The following SLC26A8 variants were observed in gnomAD, a reference collection of about 807,000 sequenced individuals.
SLC26A8 encodes the protein testis anion transporter 1.
SLC26A8 carries 70 observed loss-of-function variants against 105.0 expected under a neutral mutation model. The observed-to-expected ratio is 0.67, with a 90% CI of 0.55 to 0.81. The LOEUF (loss-of-function observed/expected upper bound fraction) is 0.81, where lower values mean the gene tolerates loss of function less well. Ranked by LOEUF, SLC26A8 falls within the 40% of genes least tolerant of loss-of-function variation. The pLI, the probability that SLC26A8 is intolerant of heterozygous loss-of-function variation, is 0.00. For missense variants in SLC26A8, 998 were observed against 1,181.8 expected (o/e 0.84, Z 2.28); for synonymous variants, 415 against 438.3 (o/e 0.95, Z 0.66).
chr6:35,968,609 G>GTGTGTGTGTA (rs1168496588), intron 11 of SLC26A8, among the ~76,000 whole-genome samples: 10 of 60,060 alleles, frequency 1.7e-4, no homozygotes, highest in African/African-American at 5.2e-4. Context: ...GTGTGTGTGT[G>GTGTGTGTGTA]TATATATATA....
chr6:35,967,391 C>G (rs1772559557), intron 11 of SLC26A8, among the ~76,000 whole-genome samples: 1 of 152,146 alleles, frequency 6.6e-6, no homozygotes, highest in Admixed American at 6.5e-5. Flanking sequence ...ATAAAAATGG[C>G]TAACAGGAAC....
intron 7 of SLC26A8, among the ~76,000 whole-genome samples, chr6:35,986,475 A>G (rs761519128): frequency 2.0e-5 from 3 of 152,156 alleles, no homozygotes; most frequent in Non-Finnish European, 4.4e-5. Flanking sequence ...GAAATTTTGT[A>G]TCCTTTGGCC....
intron 3 of SLC26A8, among the ~76,000 whole-genome samples, chr6:36,004,616 C>T (rs1761630328): frequency 1.3e-5 from 2 of 151,734 alleles, no homozygotes; most frequent in Admixed American, 6.6e-5. Flanking sequence ...ACTGTGTATG[C>T]ACTCCATTAT....
intron 3 of SLC26A8, among the ~76,000 whole-genome samples, chr6:36,007,154 G>T (rs1761711023): frequency 7.0e-6 from 1 of 143,580 alleles, no homozygotes; most frequent in Non-Finnish European, 1.5e-5. Context: ...GCAATAAAAA[G>T]TCATTAAGGC....
At chr6:35,984,018 G>A (rs530841632) in intron 7 of SLC26A8, among the ~76,000 whole-genome samples, 39 of 152,266 alleles carry the variant, frequency 2.6e-4, no homozygotes, top group African/African-American at 8.7e-4. Context: ...AGGGAAACAG[G>A]GAGGTCTTTT....
chr6:35,996,769 T>G (rs1393736552), intron 5 of SLC26A8, among the ~76,000 whole-genome samples: 1 of 152,130 alleles, frequency 6.6e-6, no homozygotes, highest in African/African-American at 2.4e-5. Context: ...GTGCAGTGGC[T>G]CACACCTATA....
At chr6:35,991,629 CTA>C in intron 7 of SLC26A8, 28 bp downstream of exon 7, 1 of 1,478,924 alleles carries the variant, frequency 6.8e-7, no homozygotes, top group South Asian at 1.4e-5. Flanking sequence ...ATTATGCAAA[CTA>C]TGAATTTGAG....
chr6:35,955,052 G>A (rs1173910890), intron 17 of SLC26A8, 100 bp downstream of exon 17: 1 of 1,432,874 alleles, frequency 7.0e-7, no homozygotes, highest in Non-Finnish European at 9.7e-7. Context: ...CAGTCTCATA[G>A]CAGCTGATCA....
intron 10 of SLC26A8, among the ~76,000 whole-genome samples, chr6:35,972,257 C>G (rs2127316605): frequency 6.6e-6 from 1 of 152,264 alleles, no homozygotes; most frequent in Non-Finnish European, 1.5e-5. Flanking sequence ...GGGACATTCT[C>G]AGGCAGAGTG....
intron 9 of SLC26A8, among the ~76,000 whole-genome samples, chr6:35,976,604 G>A (rs993574389): frequency 2.0e-5 from 3 of 147,738 alleles, no homozygotes; most frequent in East Asian, 4.0e-4. Flanking sequence ...GCAGTGGCGC[G>A]GTCTCGGCTC....
intron 14 of SLC26A8, chr6:35,960,298 T>A (rs901721100): frequency 3.1e-5 from 5 of 159,068 alleles, no homozygotes; most frequent in African/African-American, 7.2e-5. Flanking sequence ...GGCCAAACTC[T>A]CCTTAAAGTA....
chr6:35,984,425 C>G (rs1278264383), intron 7 of SLC26A8, among the ~76,000 whole-genome samples: 1 of 147,862 alleles, frequency 6.8e-6, no homozygotes, highest in Non-Finnish European at 1.5e-5. Flanking sequence ...TGGGTTCAAG[C>G]AATTCTCCTG....
rs763471368 is a variant in SLC26A8, at chr6:35,951,427, A to G, written c.2287+18T>C. 6.2e-6 allele frequency: 10 copies of G among 1,614,152 alleles called. No individual in the cohort carries two copies. The South Asian group carries it at 9.9e-5, about 16-fold the overall frequency. On this transcript the variant is annotated intron_variant, in intron 18 of 19. Coordinates refer to ENST00000490799, the MANE Select transcript of SLC26A8 (RefSeq NM_052961.4). ...CCAGGGTGCAAAACAGCCCTCTCATAGGGTGAAGGATACTCACAGTGACAC... is the reference window on the plus strand; with the variant it reads ...CCAGGGTGCAAAACAGCCCTCTCATGGGGTGAAGGATACTCACAGTGACAC...
intron 10 of SLC26A8, chr6:35,969,744 TAAAA>T (rs1772714598): frequency 6.6e-6 from 1 of 152,102 alleles, no homozygotes. Flanking sequence ...AGCTTCATCT[TAAAA>T]AACACAAAGA....
At chr6:35,980,376 T>C (rs1443655402) in intron 8 of SLC26A8, among the ~76,000 whole-genome samples, 2 of 152,228 alleles carry the variant, frequency 1.3e-5, no homozygotes, top group Admixed American at 1.3e-4. Flanking sequence ...TATGTTCAAA[T>C]GGTAGCTCTG....
intron 2 of SLC26A8, among the ~76,000 whole-genome samples, chr6:36,014,810 G>A (rs746640328): frequency 6.6e-6 from 1 of 151,984 alleles, no homozygotes; most frequent in Non-Finnish European, 1.5e-5. Flanking sequence ...AGGTTGCAGT[G>A]AGCTGAGACA....
intron 1 of SLC26A8, 119 bp downstream of exon 1, chr6:36,024,385 T>A: frequency 2.2e-6 from 1 of 446,492 alleles, no homozygotes; most frequent in South Asian, 1.6e-5. Flanking sequence ...AGATACTGAC[T>A]GAGTGCCCAC....
chr6:35,985,501 T>C (rs1466639888), intron 7 of SLC26A8, among the ~76,000 whole-genome samples: 1 of 151,828 alleles, frequency 6.6e-6, no homozygotes, highest in African/African-American at 2.4e-5. Context: ...GAGACCATCC[T>C]GGCCAACATG....
At chr6:35,945,455 C>A (rs1771628092) in intron 19 of SLC26A8, among the ~76,000 whole-genome samples, 1 of 152,200 alleles carries the variant, frequency 6.6e-6, no homozygotes, top group Non-Finnish European at 1.5e-5. Flanking sequence ...TGTGACCTGG[C>A]CTCTTGCCAT....
Sources: allele counts gnomAD v4.1 joint callset (sites outside exome capture counted in the v4.1 genomes callset), GRCh38; gene constraint gnomAD v4.1.1; transcripts MANE v1.5; gene names NCBI Gene and HGNC (gene_info 2026-07-23, HGNC 2026-07-21).